The following TIAM2 variants were observed in gnomAD, a reference collection of about 807,000 sequenced individuals.
TIAM2 encodes TIAM Rac1 associated GEF 2, also known as rho guanine nucleotide exchange factor TIAM2.
Under a neutral mutation model 152.9 loss-of-function variants are expected in TIAM2, and 80 were observed. The observed-to-expected ratio is 0.52, with a 90% CI of 0.44 to 0.63. The LOEUF is 0.63. Ranked by LOEUF, TIAM2 falls within the 30% of genes least tolerant of loss-of-function variation. The pLI is 0.00. For synonymous variants in TIAM2, 804 were observed against 838.0 expected, an observed-to-expected ratio of 0.96 and a Z score of 0.70; for missense variants, 1,965 against 2,120.1, an observed-to-expected ratio of 0.93 and a Z score of 1.44.
chr6:155,219,629 A>ATTTT (rs1583257359), intron 15 of TIAM2, among the ~76,000 whole-genome samples: 208 of 150,776 alleles, frequency 1.4e-3, no homozygotes, highest in Admixed American at 6.2e-3. Context: ...TTTTTTTTAA[A>ATTTT]AAATTTCCTA....
At position 155,028,305 on chromosome 6, in the gene TIAM2, ATGTACTGTGTT is replaced by A. The variant is rs1776672853; in HGVS notation, c.-209+32814_-209+32824del. Among the ~76,000 whole-genome samples the A allele has an allele frequency of 6.5e-5, 8 of 122,632 alleles. 2 individuals carry two copies. Among genetic ancestry groups the A allele is most frequent in the African/African-American group, 2.0e-4 (6 of 30,584 alleles). The allele number at this position is 122,632 out of a possible 152,430, so 80.5% of individuals were successfully genotyped here. A position where few individuals can be genotyped will look rare whatever the true frequency, so the allele number is the denominator to read the frequency against. On this transcript the variant is annotated intron_variant, in intron 1 of 26. Coordinates refer to ENST00000682666, the MANE Select transcript of TIAM2 (RefSeq NM_012454.4). ...ACTGTGTTACATATATACTACATATATGTACTGTGTTACATATATACTACATATAATATATA... is the reference window on the plus strand; with the variant it reads ...ACTGTGTTACATATATACTACATATAACATATATACTACATATAATATATA...
chr6:155,080,676 G>A (rs995446825), intron 1 of TIAM2, among the ~76,000 whole-genome samples: 28 of 152,060 alleles, frequency 1.8e-4, no homozygotes, highest in African/African-American at 6.5e-4. Flanking sequence ...CTCATGATCC[G>A]CCCACCTCAG....
At chr6:155,183,206 C>CT in intron 13 of TIAM2, 31 bp from the exon 14 acceptor site, 1 of 1,602,540 alleles carries the variant, frequency 6.2e-7, no homozygotes, top group South Asian at 1.1e-5. Context: ...ATCCCTCTCT[C>CT]TTTTTTCTGT....
intron 15 of TIAM2, among the ~76,000 whole-genome samples, chr6:155,227,115 A>G (rs1389273230): frequency 6.6e-6 from 1 of 152,236 alleles, no homozygotes. Flanking sequence ...ACAAAGTGAA[A>G]AGATACTTGG....
intron 4 of TIAM2, among the ~76,000 whole-genome samples, chr6:155,133,194 A>G (rs908198193): frequency 6.6e-6 from 1 of 152,178 alleles, no homozygotes; most frequent in African/African-American, 2.4e-5. Context: ...ATCTCTAATG[A>G]AAATTAGCTG....
intron 1 of TIAM2, among the ~76,000 whole-genome samples, chr6:155,018,613 T>A: frequency 7.2e-6 from 1 of 139,032 alleles, no homozygotes. Context: ...AGGGAGACTG[T>A]CTCAAGAAAA....
Position 155,245,609 on chromosome 6 carries a change from C to T in TIAM2, c.3544-14C>T, listed in dbSNP as rs184914919. 344 of 1,605,700 alleles carry T rather than the reference C, an allele frequency of 2.1e-4. No homozygotes were observed. In the African/African-American group the frequency reaches 4.5e-3, roughly 21 times the overall value. On this transcript the variant is annotated splice_polypyrimidine_tract_variant and intron_variant, in intron 18 of 26. Transcript: ENST00000682666. ...AAACCATGTCTGATTTGACTTTCCC[C>T]TCTGCCCTTCTAGAAATTACTGTTT... is the stretch of plus-strand genomic sequence containing the variant.
At chr6:155,071,689 G>A (rs1013738691) in intron 1 of TIAM2, among the ~76,000 whole-genome samples, 1 of 152,160 alleles carries the variant, frequency 6.6e-6, no homozygotes, top group African/African-American at 2.4e-5. Flanking sequence ...GAGGTCAGGA[G>A]TTCAAGACTA....
chr6:155,243,913 G>T, intron 16 of TIAM2, 98 bp from the exon 17 acceptor site: 1 of 797,766 alleles, frequency 1.3e-6, no homozygotes, highest in South Asian at 1.4e-5. Context: ...TTATCCTGAT[G>T]GGAGCCTTGG....
At chr6:155,021,882 C>T (rs1776502991) in intron 1 of TIAM2, among the ~76,000 whole-genome samples, 1 of 152,206 alleles carries the variant, frequency 6.6e-6, no homozygotes, top group Non-Finnish European at 1.5e-5. Context: ...GTGCACACAT[C>T]AGTGCTGTTT....
intron 14 of TIAM2, among the ~76,000 whole-genome samples, chr6:155,209,343 C>T (rs1177436680): frequency 6.6e-6 from 1 of 152,166 alleles, no homozygotes; most frequent in Admixed American, 6.5e-5. Context: ...AGGCTGGATA[C>T]AGTAGGATTG....
At chr6:155,082,419 G>A (rs1005684261) in intron 1 of TIAM2, among the ~76,000 whole-genome samples, 7 of 152,104 alleles carry the variant, frequency 4.6e-5, no homozygotes, top group Non-Finnish European at 1.0e-4. Flanking sequence ...GGGAGGCTGA[G>A]GTGGGTGGAT....
Position 155,129,692 on chromosome 6 carries a change from A to G in TIAM2, c.469A>G (p.Lys157Glu). 6.2e-7 allele frequency: 1 copy of G among 1,614,072 alleles called. No homozygotes were observed. The highest frequency in any genetic ancestry group is 8.5e-7 in the Non-Finnish European group (1 of 1,180,016). Reference protein sequence around the residue: ...IASTPPGEDRKSPRVLIKTLG... With the variant: ...IASTPPGEDRESPRVLIKTLG... Reference sequence around the variant, plus strand: ...CTCCACCCCACCGGGCGAAGACCGCAAGAGCCCCCGAGTGCTCATCAAAAC... The same window carrying G: ...CTCCACCCCACCGGGCGAAGACCGCGAGAGCCCCCGAGTGCTCATCAAAAC... The change falls in exon 4 of 27, where the codon AAG becomes GAG. Residue 157 changes from lysine (K) to glutamate (E), a missense_variant. By Grantham distance (56) the Lys-to-Glu change is moderately conservative (BLOSUM62 1). Around this residue, in one of 3 missense-constraint regions of TIAM2, gnomAD observed 1,025 missense variants for 1,119.4 expected, o/e 0.92. Coordinates refer to ENST00000682666, the MANE Select transcript of TIAM2 (RefSeq NM_012454.4). The surrounding 1 kb of genome is among the most constrained non-coding windows in gnomAD (Gnocchi z 4.8).
intron 1 of TIAM2, among the ~76,000 whole-genome samples, chr6:155,005,631 C>T (rs1290793944): frequency 2.0e-5 from 3 of 151,574 alleles, no homozygotes; most frequent in African/African-American, 2.4e-5. Context: ...TGAGCCACCT[C>T]ACCTGGCACT....
At position 155,086,792 on chromosome 6, in the gene TIAM2, G is replaced by A. The variant is rs111407496; in HGVS notation, c.-208-3497G>A. On this transcript the variant is annotated intron_variant, in intron 1 of 26. Transcript: ENST00000682666. ...CTTCCTCTTTAACTCAAGTTATGGC[G>A]ATATGATGGAAAAGCAAGCCAAGCC... 1.4e-3 allele frequency among the ~76,000 whole-genome samples: 217 copies of A among 151,632 alleles called. 3 individuals carry two copies. Among genetic ancestry groups the A allele is most frequent in the Middle Eastern group, 7.0e-3 (2 of 284 alleles).
chr6:155,256,638 CA>C lies in TIAM2; in HGVS notation c.4625del (p.Lys1542ArgfsTer27), dbSNP rs1784052398. The C allele has an allele frequency of 6.2e-7, 1 of 1,614,058 alleles. No homozygotes were observed. The highest frequency in any genetic ancestry group is 1.1e-5 in the South Asian group (1 of 91,088). On this transcript the variant is annotated frameshift_variant, in exon 27 of 27. Coordinates refer to ENST00000682666, the MANE Select transcript of TIAM2 (RefSeq NM_012454.4). LOFTEE classifies it low-confidence loss of function (END_TRUNC). Reference protein sequence around the residue: ...CPTAEGRQDSKSTSPGKYPHP... With the variant: ...CPTAEGRQDSXSTSPGKYPHP... ...CCACGGCTGAGGGCAGGCAGGACTC[CA>C]AGAGCACTTCTCCCGGGAAATACCC...
chr6:155,101,867 A>AT (rs1400280094), intron 2 of TIAM2, among the ~76,000 whole-genome samples: 1 of 151,768 alleles, frequency 6.6e-6, no homozygotes, highest in East Asian at 1.9e-4. Context: ...ACGCCTGGCT[A>AT]TTTTTTGTAT....
chr6:155,006,813 T>A (rs1341024126), intron 1 of TIAM2, among the ~76,000 whole-genome samples: 2 of 151,548 alleles, frequency 1.3e-5, no homozygotes, highest in African/African-American at 4.8e-5. Flanking sequence ...CTCAGCCTCC[T>A]GAGTAGCTGG....
intron 2 of TIAM2, among the ~76,000 whole-genome samples, chr6:155,099,220 ATGTGTGTGTGTGTGTG>A (rs34269926): frequency 5.1e-4 from 75 of 148,298 alleles, no homozygotes; most frequent in Middle Eastern, 3.4e-3. Flanking sequence ...GTATATATAT[ATGTGTGTGTGTGTGTG>A]TGTGTGTGTG....
Sources: gnomAD v4.1 joint callset for allele counts (sites outside exome capture counted in the v4.1 genomes callset) on GRCh38, gnomAD v4.1.1 for gene constraint, gnomAD v4.1.1 regional missense constraint, Gnocchi (gnomAD v3.1) non-coding constraint, MANE v1.5 for transcripts, NCBI Gene and HGNC (gene_info 2026-07-23, HGNC 2026-07-21) for gene names.